PIGU: variants seen among roughly 807,000 people sequenced by gnomAD.
PIGU encodes phosphatidylinositol glycan anchor biosynthesis class U.
Under a neutral mutation model 49.9 loss-of-function variants are expected in PIGU, and 24 were observed. The ratio of observed to expected loss-of-function variants is 0.48; its 90% CI spans 0.35 to 0.68. The LOEUF (loss-of-function observed/expected upper bound fraction) is 0.68, where lower values mean the gene tolerates loss of function less well. Among genes scored for constraint, PIGU ranks in the 30% least tolerant of loss-of-function variants. The probability of loss-of-function intolerance (pLI) is 0.01; values close to 1 mark genes in which losing one functional copy is unlikely to be tolerated. For missense variants in PIGU, 490 were observed against 532.6 expected (o/e 0.92, Z 0.79); for synonymous variants, 220 against 205.7 (o/e 1.07, Z -0.59).
rs960374764 is a variant in PIGU, at chr20:34,666,404, C to T, written c.131-9160G>A. On this transcript the variant is annotated intron_variant, in intron 1 of 11. Coordinates refer to ENST00000217446, the MANE Select transcript of PIGU (RefSeq NM_080476.5). ...ACTTCATGGGACTATTATCTAACAA[C>T]TAATATAAGAGCTAAATAATTATGG... Among the ~76,000 whole-genome samples the T allele has an allele frequency of 2.6e-5, 4 of 151,150 alleles. No individual in the cohort carries two copies. In the East Asian group the frequency reaches 7.7e-4, roughly 29 times the overall value.
At chr20:34,645,015 A>G (rs961180677) in intron 3 of PIGU, among the ~76,000 whole-genome samples, 1 of 152,102 alleles carries the variant, frequency 6.6e-6, no homozygotes, top group African/African-American at 2.4e-5. Context: ...TTTTCTGAGA[A>G]ACTCCTGAGT....
rs1983808564 is a variant in PIGU at position 34,588,688 on chromosome 20, C to T, written c.628-81G>A. ...ATTAGCTTACACTTAAAGATCCCTCCCGCAAAACCATACTATGATACACAG... is the reference window on the plus strand; with the variant it reads ...ATTAGCTTACACTTAAAGATCCCTCTCGCAAAACCATACTATGATACACAG... On this transcript the variant is annotated intron_variant, in intron 7 of 11. Transcript: ENST00000217446. 4.5e-6 allele frequency: 6 copies of T among 1,346,398 alleles called. No homozygotes were observed. The South Asian group carries it at 5.6e-5, about 13-fold the overall frequency. The allele number at this position is 1,346,398 out of a possible 1,614,324, so 83.4% of individuals were successfully genotyped here.
At chr20:34,577,950 A>G (rs1028708929) in intron 10 of PIGU, among the ~76,000 whole-genome samples, 1 of 152,232 alleles carries the variant, frequency 6.6e-6, no homozygotes, top group Non-Finnish European at 1.5e-5. Flanking sequence ...AGGACACGGT[A>G]GTTCACAGTT....
chr20:34,584,504 CTTTTT>C (rs5841174), intron 9 of PIGU, among the ~76,000 whole-genome samples: 56 of 66,404 alleles, frequency 8.4e-4, no homozygotes, highest in Admixed American at 1.1e-3. Flanking sequence ...AACTCCTGTT[CTTTTT>C]TTTTTTTTTT....
intron 7 of PIGU, among the ~76,000 whole-genome samples, chr20:34,607,491 G>A (rs769813401): frequency 6.6e-6 from 1 of 152,114 alleles, no homozygotes; most frequent in Non-Finnish European, 1.5e-5. Flanking sequence ...CCGAACTGAG[G>A]GGAAGACCAC....
chr20:34,623,986 C>T (rs780059287), intron 6 of PIGU, among the ~76,000 whole-genome samples: 6 of 152,156 alleles, frequency 3.9e-5, no homozygotes, highest in Non-Finnish European at 5.9e-5. Context: ...TCCATTGTTC[C>T]TCTAAGGCTA....
intron 2 of PIGU, 48 bp from the exon 3 acceptor site, chr20:34,645,382 T>C: frequency 1.3e-6 from 2 of 1,521,612 alleles, no homozygotes; most frequent in Non-Finnish European, 1.8e-6. Context: ...TAAACCTTAC[T>C]ATTATCAGTT....
At chr20:34,602,458 G>A (rs779003551) in intron 7 of PIGU, among the ~76,000 whole-genome samples, 17 of 151,998 alleles carry the variant, frequency 1.1e-4, no homozygotes, top group African/African-American at 3.1e-4. Context: ...TTAGCCAGGC[G>A]TGGTGGTGGG....
chr20:34,573,787 C>T (rs1983111004), intron 11 of PIGU, among the ~76,000 whole-genome samples: 1 of 152,272 alleles, frequency 6.6e-6, no homozygotes, highest in African/African-American at 2.4e-5. Context: ...CCAACCCTAA[C>T]TACAGTGTGA....
chr20:34,579,153 ATATC>A (rs1304127324), intron 10 of PIGU: 1 of 152,204 alleles, frequency 6.6e-6, no homozygotes, highest in Non-Finnish European at 1.5e-5. Flanking sequence ...CTTTATATGT[ATATC>A]TATCAACATT....
chr20:34,674,379 C>T (rs983454519), intron 1 of PIGU, among the ~76,000 whole-genome samples: 13 of 152,028 alleles, frequency 8.6e-5, no homozygotes, highest in Admixed American at 7.9e-4. Context: ...ATTCATACAG[C>T]TTATAAGTTG....
intron 1 of PIGU, among the ~76,000 whole-genome samples, chr20:34,671,876 T>C (rs1241965291): frequency 2.0e-5 from 3 of 152,066 alleles, no homozygotes; most frequent in East Asian, 3.9e-4. Context: ...TGAGCTGAGA[T>C]TGTGCCATTG....
At chr20:34,566,966 G>A (rs969771965) in intron 11 of PIGU, among the ~76,000 whole-genome samples, 1 of 152,224 alleles carries the variant, frequency 6.6e-6, no homozygotes, top group Non-Finnish European at 1.5e-5. Flanking sequence ...AGTGTGTCTT[G>A]AAACTACTGG....
chr20:34,560,861 C>T lies in PIGU; in HGVS notation c.*5G>A. 6.3e-7 allele frequency: 1 copy of T among 1,592,606 alleles called. No homozygotes were observed. The highest frequency in any genetic ancestry group is 2.3e-5 in the East Asian group (1 of 44,444). On this transcript the variant is annotated 3_prime_UTR_variant, in exon 12 of 12. Transcript: ENST00000217446. ...GAGGTCCATGCAGCCCTGTGCCAGC[C>T]AGGCCTACTTGAGCACGAGCATGGC...
intron 10 of PIGU, among the ~76,000 whole-genome samples, chr20:34,576,818 C>T (rs1300472028): frequency 6.6e-6 from 1 of 152,162 alleles, no homozygotes; most frequent in Non-Finnish European, 1.5e-5. Flanking sequence ...TTTAGTTTCA[C>T]AGCAAAATTG....
In PIGU at chr20:34,634,688, C is replaced by A. The variant is rs1366231112; in HGVS notation, c.456G>T (p.Leu152Phe). The change falls in exon 6 of 12, where the codon TTG becomes TTT. Residue 152 changes from leucine (L) to phenylalanine (F), a missense_variant. Leu to Phe is a conservative substitution (Grantham distance 22). Transcript: ENST00000217446. ...LFYLLNPYTI[L>F]SCVAKSTCAI... ...CACAGGTAGACTTGGCAACACAAGA[C>A]AAAATCGTGTAAGGATTTAAGAGAT... 6.2e-7 allele frequency: 1 copy of A among 1,612,674 alleles called. No individual in the cohort carries two copies. The highest frequency in any genetic ancestry group is 2.2e-5 in the East Asian group (1 of 44,802).
intron 6 of PIGU, among the ~76,000 whole-genome samples, chr20:34,631,747 A>G (rs1600644082): frequency 1.8e-4 from 1 of 5,564 alleles, no homozygotes; most frequent in Non-Finnish European, 2.6e-4. Flanking sequence ...ATATATATAT[A>G]TATATATATA....
At chr20:34,640,424 T>C (rs1986112618) in intron 4 of PIGU, among the ~76,000 whole-genome samples, 1 of 151,950 alleles carries the variant, frequency 6.6e-6, no homozygotes, top group Non-Finnish European at 1.5e-5. Context: ...AAAATCCCTA[T>C]TGCATCCAGC....
intron 7 of PIGU, among the ~76,000 whole-genome samples, chr20:34,608,048 T>C (rs1984680279): frequency 6.6e-6 from 1 of 151,288 alleles, no homozygotes; most frequent in Non-Finnish European, 1.5e-5. Flanking sequence ...GCCCTTTTAG[T>C]GAGCATCACT....
Sources: allele counts gnomAD v4.1 joint callset (sites outside exome capture counted in the v4.1 genomes callset), GRCh38; gene constraint gnomAD v4.1.1; transcripts MANE v1.5; gene names NCBI Gene and HGNC (gene_info 2026-07-23, HGNC 2026-07-21).